HELZ2: variants seen among roughly 807,000 people sequenced by gnomAD.
The protein encoded by HELZ2 is helicase with zinc finger 2, also known as 3'-5' exoribonuclease HELZ2.
In HELZ2, 143 loss-of-function variants were observed where a neutral mutation model predicts 208.8. The observed-to-expected ratio is 0.68, with a 90% CI of 0.60 to 0.79. The LOEUF (loss-of-function observed/expected upper bound fraction) is 0.79, where lower values mean the gene tolerates loss of function less well. Ranked by LOEUF, HELZ2 falls within the 30% of genes least tolerant of loss-of-function variation. The pLI is 0.00. For synonymous variants in HELZ2, 1,705 were observed against 1,693.7 expected, an observed-to-expected ratio of 1.01 and a Z score of -0.16; for missense variants, 3,690 against 3,794.5, an observed-to-expected ratio of 0.97 and a Z score of 0.72.
chr20:63,564,843 G>C (rs772773137), exon 8 of HELZ2: 33 of 1,611,332 alleles, frequency 2.0e-5, no homozygotes, highest in Non-Finnish European at 1.5e-5. Context: ...ACCCGGCCAA[G>C]CTCCGTGTGG....
intron 6 of HELZ2, 57 bp from the exon 8 acceptor site, chr20:63,566,510 CCCG>C: frequency 7.1e-7 from 1 of 1,412,704 alleles, no homozygotes; most frequent in South Asian, 1.3e-5. Flanking sequence ...CTCGGCCACC[CCCG>C]ACAAGGAGAG....
Position 63,565,318 on chromosome 20 carries a change from G to A in HELZ2, c.3504C>T (p.Ala1168=), listed in dbSNP as rs778760136. The stretch of plus-strand genomic sequence containing the variant: ...GGAGCTGCACCAGCACCTCATCCCC[G>A]GCGAAGGCCATCCCACAGTCCAGGC... The change falls in exon 8 of 19, where the codon GCC becomes GCT. Residue 1168 remains alanine (A), a synonymous_variant. Coordinates refer to ENST00000467148, the Ensembl canonical transcript of HELZ2. 17 of 1,606,242 alleles carry A rather than the reference G, an allele frequency of 1.1e-5. No homozygotes were observed. The South Asian group carries it at 1.1e-4, about 10-fold the overall frequency.
chr20:63,566,073 C>A (rs1297056141), exon 8 of HELZ2: 2 of 1,586,470 alleles, frequency 1.3e-6, no homozygotes, highest in Non-Finnish European at 1.7e-6. Context: ...GAGCAGAGGG[C>A]CACGGCGTCC....
At chr20:63,567,648 C>A (rs1226949620) in intron 5 of HELZ2, 21 bp from the exon 7 acceptor site, 1 of 1,591,888 alleles carries the variant, frequency 6.3e-7, no homozygotes, top group Non-Finnish European at 8.5e-7. Flanking sequence ...GGGAGGAGCT[C>A]ATGGGCTTCT....
chr20:63,561,601 C>T (rs749817494), exon 12 of HELZ2: 4 of 1,602,074 alleles, frequency 2.5e-6, no homozygotes, highest in East Asian at 2.2e-5. Context: ...GCAGGCACAC[C>T]TGAGGCTCTG....
exon 8 of HELZ2, chr20:63,562,542 G>A: frequency 1.3e-6 from 2 of 1,590,484 alleles, no homozygotes; most frequent in South Asian, 1.1e-5. Flanking sequence ...TGCTTGGGCA[G>A]CAGCTCAACG....
exon 8 of HELZ2, chr20:63,564,890 G>A (rs986834270): frequency 3.1e-6 from 5 of 1,612,214 alleles, no homozygotes; most frequent in African/African-American, 2.7e-5. Context: ...GGCCTGGTCC[G>A]ACGGGGGCAC....
chr20:63,564,259 G>C, exon 8 of HELZ2: 1 of 1,611,580 alleles, frequency 6.2e-7, no homozygotes, highest in Non-Finnish European at 8.5e-7. Context: ...CCATGATGTG[G>C]GCCGCGCGGA....
At chr20:63,559,238 A>AG in exon 19 of HELZ2, 3 of 1,538,110 alleles carry the variant, frequency 2.0e-6, no homozygotes, top group Non-Finnish European at 2.6e-6. Context: ...GCAGGTGGAG[A>AG]GGGCTCTTCA....
chr20:63,561,839 C>A (rs1464155019), exon 11 of HELZ2: 2 of 1,563,598 alleles, frequency 1.3e-6, no homozygotes, highest in Non-Finnish European at 1.7e-6. Context: ...GGACATCCAC[C>A]GACTTGTTGG....
At chr20:63,561,790 C>A (rs1459607837) in intron 11 of HELZ2, 33 bp downstream of exon 12, 1 of 1,553,142 alleles carries the variant, frequency 6.4e-7, no homozygotes, top group Non-Finnish European at 8.7e-7. Flanking sequence ...CGTGCCAGCT[C>A]CCCAAAGGCC....
At chr20:63,565,992 C>G in exon 8 of HELZ2, 2 of 1,598,554 alleles carry the variant, frequency 1.3e-6, no homozygotes, top group Non-Finnish European at 1.7e-6. Context: ...GACAGGCCCT[C>G]GGGGCAGACA....
exon 8 of HELZ2, chr20:63,562,710 C>A: frequency 6.2e-7 from 1 of 1,600,382 alleles, no homozygotes; most frequent in Admixed American, 1.7e-5. Flanking sequence ...GTATACGTGC[C>A]GGGGTCAACA....
exon 8 of HELZ2, chr20:63,565,416 G>A (rs547343020): frequency 6.2e-7 from 1 of 1,610,838 alleles, no homozygotes; most frequent in Non-Finnish European, 8.5e-7. Flanking sequence ...AAGGTCTCTG[G>A]CACGAAAGAG....
chr20:63,571,179 C>T, intron 1 of HELZ2: 1 of 319,916 alleles, frequency 3.1e-6, no homozygotes, highest in South Asian at 6.3e-5. Flanking sequence ...TCCTGGGAAC[C>T]TCTGGCTCTG....
exon 13 of HELZ2, chr20:63,561,403 G>A (rs935789846): frequency 8.7e-6 from 14 of 1,612,868 alleles, no homozygotes; most frequent in Non-Finnish European, 1.2e-5. Flanking sequence ...GGGTGTCAAA[G>A]GCCTTGATTT....
chr20:63,565,394 G>A (rs750164812), exon 8 of HELZ2: 3 of 1,609,994 alleles, frequency 1.9e-6, no homozygotes, highest in East Asian at 2.2e-5. Context: ...CGGGATGGCT[G>A]ACGCCCGCTC....
At chr20:63,562,339 G>A (rs1469528427) in exon 9 of HELZ2, 1 of 1,596,276 alleles carries the variant, frequency 6.3e-7, no homozygotes, top group Non-Finnish European at 8.5e-7. Context: ...CTGGTGACCA[G>A]CGGGGACGCC....
chr20:63,566,890 C>A (rs1235250553), exon 6 of HELZ2: 1 of 1,607,530 alleles, frequency 6.2e-7, no homozygotes, highest in African/African-American at 1.3e-5. Flanking sequence ...CTCGCGGCCG[C>A]CCCAGCAGCT....
Sources: gnomAD v4.1 joint callset for allele counts on GRCh38, gnomAD v4.1.1 for gene constraint, MANE v1.5 for transcripts, NCBI Gene and HGNC (gene_info 2026-07-23, HGNC 2026-07-21) for gene names.